RAD51AP2: variants seen among roughly 807,000 people sequenced by gnomAD.
RAD51AP2 encodes RAD51-associated protein 2.
In RAD51AP2, 67 loss-of-function variants were observed where a neutral mutation model predicts 85.5. That is an observed-to-expected ratio of 0.78 (90% CI 0.64 to 0.96). The LOEUF (loss-of-function observed/expected upper bound fraction) is 0.96, where lower values mean the gene tolerates loss of function less well. RAD51AP2 is among the 40% of genes least tolerant of loss of function. The pLI is 0.00. For synonymous variants in RAD51AP2, 474 were observed against 446.5 expected, an observed-to-expected ratio of 1.06 and a Z score of -0.78; for missense variants, 1,307 against 1,332.4, an observed-to-expected ratio of 0.98 and a Z score of 0.30.
Position 17,516,212 on chromosome 2 carries a change from C to A in RAD51AP2, c.2204G>T (p.Gly735Val). 6.2e-7 allele frequency: 1 copy of A among 1,613,258 alleles called. No homozygotes were observed. The highest frequency in any genetic ancestry group is 8.5e-7 in the Non-Finnish European group (1 of 1,179,668). ...HYNSSTVKAH[G>V]NSCPQFIQNN... is the part of the protein sequence containing the mutation. ...CTGTATAAATTGAGGACAAGAATTA[C>A]CATGTGCTTTAACAGTACTAGAATT... Residue 735 changes from glycine to valine, a missense_variant, in exon 1 of 3, where the codon GGT becomes GTT. By Grantham distance (109) the Gly-to-Val change is moderately radical. Transcript: ENST00000399080.
At position 17,518,308 on chromosome 2, in the gene RAD51AP2, G is replaced by C. The variant is rs750832107; in HGVS notation, c.108C>G (p.Leu36=). ...AGACACCTCCAGGCTCCTCAAGACAGAGCCGCTTGCTACTAGGTGGTTGGG... is the reference window on the plus strand; with the variant it reads ...AGACACCTCCAGGCTCCTCAAGACACAGCCGCTTGCTACTAGGTGGTTGGG... ...PDSQPPSSKR[L]CLEEPGGVFK... Residue 36 remains leucine (L), a synonymous_variant, in exon 1 of 3, where the codon CTC becomes CTG. Coordinates refer to ENST00000399080, the MANE Select transcript of RAD51AP2 (RefSeq NM_001099218.3). 5.0e-6 allele frequency: 8 copies of C among 1,614,028 alleles called. No individual in the cohort carries two copies. In the East Asian group the frequency reaches 1.8e-4, roughly 36 times the overall value.
Position 17,514,736 on chromosome 2 carries a change from C to G in RAD51AP2, c.3247+433G>C, listed in dbSNP as rs542465313. Among the ~76,000 whole-genome samples, 7 of 152,208 alleles carry G rather than the reference C, an allele frequency of 4.6e-5. No individual in the cohort carries two copies. The South Asian group carries it at 1.5e-3, about 32-fold the overall frequency. Reference sequence around the variant, plus strand: ...AGTGAGCCGAGATTGTGCCACTGCACTCCAGCCTGGGCCACAGAGCTCGAC... The same window carrying G: ...AGTGAGCCGAGATTGTGCCACTGCAGTCCAGCCTGGGCCACAGAGCTCGAC... On this transcript the variant is annotated intron_variant, in intron 1 of 2. Transcript: ENST00000399080.
chr2:17,526,039 A>G, the RAD51AP2 span, among the ~76,000 whole-genome samples: 4 of 151,938 alleles, frequency 2.6e-5, no homozygotes, highest in Admixed American at 2.6e-4. Flanking sequence ...AAATGAACAT[A>G]TATTTCCAAG....
chr2:17,516,072 T>C lies in RAD51AP2; in HGVS notation c.2344A>G (p.Ile782Val), dbSNP rs760629215. Reference protein sequence around the residue: ...NKISNFDCEHIFEDLCNVRQQ... With the variant: ...NKISNFDCEHVFEDLCNVRQQ... ...CTAACATTGCAGAGATCTTCAAATA[T>C]GTGCTCACAGTCAAAGTTACTGATC... Residue 782 changes from isoleucine to valine, a missense_variant, in exon 1 of 3, where the codon ATA becomes GTA. Coordinates refer to ENST00000399080, the MANE Select transcript of RAD51AP2 (RefSeq NM_001099218.3). 2 of 1,613,504 alleles carry C rather than the reference T, an allele frequency of 1.2e-6. No individual in the cohort carries two copies. The highest frequency in any genetic ancestry group is 1.7e-6 in the Non-Finnish European group (2 of 1,179,712).
chr2:17,518,725 G>A (rs1662787235), upstream of RAD51AP2, among the ~76,000 whole-genome samples: 1 of 151,942 alleles, frequency 6.6e-6, no homozygotes, highest in African/African-American at 2.4e-5. Flanking sequence ...ACTGTAGAGA[G>A]TCTAAATGCT....
chr2:17,512,710 C>G (rs541645134), intron 2 of RAD51AP2, among the ~76,000 whole-genome samples: 35 of 152,206 alleles, frequency 2.3e-4, no homozygotes, highest in Middle Eastern at 6.8e-3. Context: ...TCTTTCTGCC[C>G]TAGAAGAAGC....
chr2:17,517,880 A>C lies in RAD51AP2; in HGVS notation c.536T>G (p.Phe179Cys). 6.2e-7 allele frequency: 1 copy of C among 1,614,198 alleles called. No individual in the cohort carries two copies. Among genetic ancestry groups the C allele is most frequent in the African/African-American group, 1.3e-5 (1 of 75,042 alleles). ...GIRNENRKQQ[F>C]VQGRDNVHKE... ...GTGAACATTGTCTCTTCCTTGGACA[A>C]ACTGTTGTTTTCGATTCTCATTTCT... is the stretch of plus-strand genomic sequence containing the variant. Residue 179 changes from phenylalanine to cysteine, a missense_variant, in exon 1 of 3, where the codon TTT becomes TGT. Coordinates refer to ENST00000399080, the MANE Select transcript of RAD51AP2 (RefSeq NM_001099218.3).
Position 17,516,956 on chromosome 2 carries a change from T to C in RAD51AP2, c.1460A>G (p.Asn487Ser), listed in dbSNP as rs1572297360. Residue 487 changes from asparagine (N) to serine (S), a missense_variant, in exon 1 of 3, where the codon AAT becomes AGT. This residue lies in a region of RAD51AP2 where 635 missense variants were observed against 643.6 expected (regional missense o/e 0.99). Coordinates refer to ENST00000399080, the MANE Select transcript of RAD51AP2 (RefSeq NM_001099218.3). ...VWLNGKGENDNTLQLRYNTTQ... is the reference protein window; with the variant it reads ...VWLNGKGENDSTLQLRYNTTQ... Reference sequence around the variant, plus strand: ...AGTATTGTATCTCAACTGTAGAGTATTATCATTTTCTCCTTTACCATTTAG... The same window carrying C: ...AGTATTGTATCTCAACTGTAGAGTACTATCATTTTCTCCTTTACCATTTAG... 6.3e-7 allele frequency: 1 copy of C among 1,599,338 alleles called. No individual in the cohort carries two copies. Among genetic ancestry groups the C allele is most frequent in the Non-Finnish European group, 8.5e-7 (1 of 1,175,794 alleles).
chr2:17,518,448 G>A (rs965902600), upstream of RAD51AP2: 3 of 1,586,526 alleles, frequency 1.9e-6, no homozygotes, highest in Non-Finnish European at 2.6e-6. Flanking sequence ...TCCGAGTCCC[G>A]GCGGGGCTCC....
Position 17,517,321 on chromosome 2 carries a change from C to A in RAD51AP2, c.1095G>T (p.Lys365Asn), listed in dbSNP as rs1363096834. The change falls in exon 1 of 3, where the codon AAG (lysine) becomes AAT (asparagine). Residue 365 changes from lysine to asparagine, a missense_variant. Lys to Asn is a moderately conservative substitution (Grantham distance 94, BLOSUM62 0). Transcript: ENST00000399080. ...TTGCATTTTCTAGTATAGCGAAATT[C>A]TTTCTAGAGTCTCTTACATTACACT... Reference protein sequence around the residue: ...SIQCNVRDSRKNFAILENANW... With the variant: ...SIQCNVRDSRNNFAILENANW... 1 of 1,613,948 alleles carries A rather than the reference C, an allele frequency of 6.2e-7. No homozygotes were observed. Among genetic ancestry groups the A allele is most frequent in the Non-Finnish European group, 8.5e-7 (1 of 1,179,928 alleles).
chr2:17,517,460 GCTTCTACAGTTT>G lies in RAD51AP2; in HGVS notation c.944_955del (p.Lys315_Ala319delinsThr). On this transcript the variant is annotated inframe_deletion, in exon 1 of 3. Transcript: ENST00000399080. ...ATAACATTTGGAAAAAATGTTTTCC[GCTTCTACAGTTT>G]TTTTATCATTCTGTAACTTTTGCTT... The G allele has an allele frequency of 6.2e-7, 1 of 1,613,730 alleles. No individual in the cohort carries two copies. The highest frequency in any genetic ancestry group is 8.5e-7 in the Non-Finnish European group (1 of 1,179,934).
the RAD51AP2 span, among the ~76,000 whole-genome samples, chr2:17,529,164 T>C: frequency 6.6e-6 from 1 of 151,896 alleles, no homozygotes; most frequent in Admixed American, 6.5e-5. Context: ...ATATCTTATA[T>C]ATTAAGAAAT....
At chr2:17,528,342 T>C in the RAD51AP2 span, among the ~76,000 whole-genome samples, 1 of 152,332 alleles carries the variant, frequency 6.6e-6, no homozygotes, top group African/African-American at 2.4e-5. Context: ...AAAATTAGTT[T>C]AAGTATGGGT....
rs1662694902 is a variant in RAD51AP2 at position 17,516,898 on chromosome 2, A to G, written c.1518T>C (p.Phe506=). 6 of 1,584,366 alleles carry G rather than the reference A, an allele frequency of 3.8e-6. No homozygotes were observed. In the East Asian group the frequency reaches 9.0e-5, roughly 24 times the overall value. ...AAAAAATTTCTATAATGAAACTTTC[A>G]AAAGGGTTGTTCACATGAAAGACTT... is the stretch of plus-strand genomic sequence containing the variant. The part of the protein sequence containing the change: ...TQKVFHVNNP[F]ESFIIEIFYF... The change falls in exon 1 of 3, where the codon TTT becomes TTC. Residue 506 remains phenylalanine, a synonymous_variant. Coordinates refer to ENST00000399080, the MANE Select transcript of RAD51AP2 (RefSeq NM_001099218.3).
chr2:17,517,090 G>A lies in RAD51AP2; in HGVS notation c.1326C>T (p.Ser442=), dbSNP rs1662703903. Residue 442 remains serine, a synonymous_variant, in exon 1 of 3, where the codon AGC becomes AGT. Coordinates refer to ENST00000399080, the MANE Select transcript of RAD51AP2 (RefSeq NM_001099218.3). ...CTTTTGCACAGTGGTAATCTTCCTT[G>A]CTTAAAAGGTCTATTTCTAATAATA... ...WLLLLEIDLL[S]KEDYHCAKVI... The A allele has an allele frequency of 1.9e-6, 3 of 1,612,428 alleles. No individual in the cohort carries two copies. The highest frequency in any genetic ancestry group is 2.5e-6 in the Non-Finnish European group (3 of 1,179,292).
chr2:17,529,632 C>A, the RAD51AP2 span, among the ~76,000 whole-genome samples: 1 of 152,236 alleles, frequency 6.6e-6, no homozygotes, highest in Middle Eastern at 3.4e-3. Flanking sequence ...ATACTAAAAT[C>A]TAAAAGAAGA....
rs1385646727 is a variant in RAD51AP2 at position 17,517,453 on chromosome 2, G to T, written c.963C>A (p.Asn321Lys). The change falls in exon 1 of 3, where the codon AAC becomes AAA. Residue 321 changes from asparagine to lysine, a missense_variant. By Grantham distance (94) the Asn-to-Lys change is moderately conservative (BLOSUM62 0). Coordinates refer to ENST00000399080, the MANE Select transcript of RAD51AP2 (RefSeq NM_001099218.3). ...QNDKKTVEAE[N>K]IFSKCYENDY... is the part of the protein sequence containing the mutation. The stretch of plus-strand genomic sequence containing the variant: ...CATTTTCATAACATTTGGAAAAAAT[G>T]TTTTCCGCTTCTACAGTTTTTTTAT... The T allele has an allele frequency of 6.2e-7, 1 of 1,613,700 alleles. No homozygotes were observed. The highest frequency in any genetic ancestry group is 8.5e-7 in the Non-Finnish European group (1 of 1,179,974).
At chr2:17,533,812 G>A in the RAD51AP2 span, among the ~76,000 whole-genome samples, 6 of 152,172 alleles carry the variant, frequency 3.9e-5, no homozygotes, top group African/African-American at 1.4e-4. Context: ...CTACTTGGGA[G>A]GCTGAAGCAG....
chr2:17,522,312 G>C (rs976898529), upstream of RAD51AP2, among the ~76,000 whole-genome samples: 2 of 151,776 alleles, frequency 1.3e-5, no homozygotes, highest in Non-Finnish European at 2.9e-5. Context: ...AAAGCCCTTC[G>C]CAGTTTCAGT....
Sources: allele counts gnomAD v4.1 joint callset (sites outside exome capture counted in the v4.1 genomes callset), GRCh38; gene constraint gnomAD v4.1.1; regional missense constraint gnomAD v4.1.1; transcripts MANE v1.5; gene names NCBI Gene and HGNC (gene_info 2026-07-23, HGNC 2026-07-21).